Variants in CHN2 observed in about 807,000 individuals in gnomAD.
CHN2 encodes the protein beta-chimaerin.
In CHN2, 35 loss-of-function variants were observed where a neutral mutation model predicts 56.3. The observed-to-expected ratio is 0.62, with a 90% CI of 0.47 to 0.82. CHN2 has a LOEUF of 0.82. Among genes scored for constraint, CHN2 ranks in the 40% least tolerant of loss-of-function variants. The probability of loss-of-function intolerance (pLI) is 0.00; values close to 1 mark genes in which losing one functional copy is unlikely to be tolerated. For missense variants in CHN2, 491 were observed against 580.5 expected (o/e 0.85, Z 1.58); for synonymous variants, 210 against 212.8 (o/e 0.99, Z 0.12).
intron 2 of CHN2, among the ~76,000 whole-genome samples, chr7:29,184,928 C>T (rs245919): frequency 0.56 from 84,708 of 152,024 alleles, 24,357 homozygotes; most frequent in East Asian, 0.79. Flanking sequence ...AATCTTTGGG[C>T]ATAAAGAGTC....
chr7:29,371,777 C>CTCCCT (rs1227430580), intron 3 of CHN2, among the ~76,000 whole-genome samples: 1 of 152,194 alleles, frequency 6.6e-6, no homozygotes. Context: ...ACCTGTACTT[C>CTCCCT]TCCCTTCCCT....
chr7:29,326,007 C>T (rs1305236013), intron 1 of CHN2, among the ~76,000 whole-genome samples: 2 of 152,168 alleles, frequency 1.3e-5, no homozygotes, highest in African/African-American at 2.4e-5. Context: ...AAGGTCATTC[C>T]CAGCATGTGA....
rs1028876842 is a variant in CHN2, at chr7:29,194,776, G to A, written c.-166G>A. The A allele has an allele frequency of 2.0e-6, 1 of 497,368 alleles. No homozygotes were observed. Among genetic ancestry groups the A allele is most frequent in the Non-Finnish European group, 3.3e-6 (1 of 306,428 alleles). 30.8% of individuals were successfully genotyped at this position (497,368 alleles called of 1,614,324 possible). A position where few individuals can be genotyped will look rare whatever the true frequency, so the allele number is the denominator to read the frequency against. ...AGCGGCGGCGGCAGCGCGTCATCTG[G>A]TGGAGCAGGAAGTGCAGGCAGAGTC... is the stretch of plus-strand genomic sequence containing the variant. On this transcript the variant is annotated 5_prime_UTR_variant, in exon 1 of 13. It adds an upstream start codon to the 5' untranslated region. Transcript: ENST00000222792.
chr7:29,502,299 GT>G, intron 9 of CHN2, among the ~76,000 whole-genome samples: 1 of 152,284 alleles, frequency 6.6e-6, no homozygotes, highest in East Asian at 1.9e-4. Flanking sequence ...ACTGCAGCTT[GT>G]TGCTCTGTCC....
chr7:29,468,148 C>T (rs1371157610), intron 6 of CHN2, among the ~76,000 whole-genome samples: 1 of 111,610 alleles, frequency 9.0e-6, no homozygotes, highest in African/African-American at 3.2e-5. Context: ...CCGCCCCCCC[C>T]CCCCCCCGCC....
At chr7:29,341,401 G>A (rs1188001229) in intron 1 of CHN2, among the ~76,000 whole-genome samples, 1 of 152,174 alleles carries the variant, frequency 6.6e-6, no homozygotes, top group Non-Finnish European at 1.5e-5. Context: ...GTTATGGATG[G>A]TGCCAGTTGC....
At chr7:29,429,200 T>C (rs879740067) in intron 6 of CHN2, among the ~76,000 whole-genome samples, 28 of 152,212 alleles carry the variant, frequency 1.8e-4, no homozygotes, top group African/African-American at 5.1e-4. Flanking sequence ...TTTCATATAC[T>C]CAGACCACTT....
chr7:29,432,310 C>A (rs1311846995), intron 6 of CHN2, among the ~76,000 whole-genome samples: 1 of 152,192 alleles, frequency 6.6e-6, no homozygotes, highest in African/African-American at 2.4e-5. Flanking sequence ...ACAGTGATGT[C>A]CCAATAGGCT....
intron 3 of CHN2, among the ~76,000 whole-genome samples, chr7:29,374,801 T>TTTCC (rs57274609): frequency 0.16 from 20,347 of 128,130 alleles, 1,924 homozygotes; most frequent in African/African-American, 0.2. Flanking sequence ...TATTTCTTTA[T>TTTCC]TTCCTTCCTT....
rs367917595 is a variant in CHN2 at position 29,280,383 on chromosome 7, C to CATAAATAA, written c.50-74216_50-74209dup. Among the ~76,000 whole-genome samples the CATAAATAA allele has an allele frequency of 3.4e-3, 505 of 150,408 alleles. 1 individual carries two copies. The highest frequency in any genetic ancestry group is 0.011 in the African/African-American group (447 of 40,964). On this transcript the variant is annotated intron_variant, in intron 1 of 12. Coordinates refer to ENST00000222792, the MANE Select transcript of CHN2 (RefSeq NM_004067.4). ...TGGGTGACAGAGCGAGGCTCCGTCT[C>CATAAATAA]ATAAATAAATAAATAAATAAATAAA...
intron 3 of CHN2, among the ~76,000 whole-genome samples, chr7:29,379,275 C>T (rs543109371): frequency 2.6e-5 from 4 of 152,288 alleles, no homozygotes; most frequent in African/African-American, 4.8e-5. Flanking sequence ...GAGATGGAAG[C>T]CTGTTAGCAA....
At chr7:29,448,803 A>G (rs1473558793) in intron 6 of CHN2, among the ~76,000 whole-genome samples, 1 of 146,388 alleles carries the variant, frequency 6.8e-6, no homozygotes, top group East Asian at 2.1e-4. Context: ...CCCAGAGCAC[A>G]CTATATCTCC....
chr7:29,396,229 G>A (rs1341320650), intron 4 of CHN2, among the ~76,000 whole-genome samples: 1 of 152,052 alleles, frequency 6.6e-6, no homozygotes, highest in Non-Finnish European at 1.5e-5. Context: ...GATCGCCTGA[G>A]TTCAGGAGTT....
intron 6 of CHN2, among the ~76,000 whole-genome samples, chr7:29,407,664 C>T (rs577179168): frequency 4.7e-4 from 71 of 152,286 alleles, no homozygotes; most frequent in African/African-American, 1.7e-3. Context: ...GCTGACCAGC[C>T]GACTTGCTGC....
At chr7:29,195,019 C>T (rs1451509211) in intron 1 of CHN2, 29 bp downstream of exon 1, 1 of 1,580,210 alleles carries the variant, frequency 6.3e-7, no homozygotes, top group Middle Eastern at 1.7e-4. Context: ...GGCGCTGCTG[C>T]CGCGCCGGGT....
intron 2 of CHN2, among the ~76,000 whole-genome samples, chr7:29,147,480 C>T (rs1584412086): frequency 1.3e-5 from 2 of 152,318 alleles, no homozygotes. Context: ...CTAACTAAAG[C>T]ACTAGTTTTA....
intron 7 of CHN2, among the ~76,000 whole-genome samples, chr7:29,487,392 AAAT>A (rs980753974): frequency 1.4e-4 from 21 of 152,326 alleles, no homozygotes; most frequent in African/African-American, 4.8e-4. Flanking sequence ...TTTATTAAAA[AAAT>A]GTTGTTTCTG....
chr7:29,507,212 A>C lies in CHN2; in HGVS notation c.992-16A>C, dbSNP rs1255580991. ...TAAGGTCCTAATTAGGACTTGGATC[A>C]CTGATTGTTTTTCAGATGGTGAAAA... On this transcript the variant is annotated splice_polypyrimidine_tract_variant and intron_variant, in intron 10 of 12. Transcript: ENST00000222792. The C allele has an allele frequency of 6.3e-7, 1 of 1,596,296 alleles. No individual in the cohort carries two copies. Among genetic ancestry groups the C allele is most frequent in the Non-Finnish European group, 8.5e-7 (1 of 1,174,494 alleles).
intron 6 of CHN2, among the ~76,000 whole-genome samples, chr7:29,421,863 T>G (rs1390144255): frequency 6.6e-6 from 1 of 152,156 alleles, no homozygotes; most frequent in Non-Finnish European, 1.5e-5. Context: ...ATTGTGATTT[T>G]CTCAGAGGGG....
Sources: gnomAD v4.1 joint callset for allele counts (sites outside exome capture counted in the v4.1 genomes callset) on GRCh38, gnomAD v4.1.1 for gene constraint, MANE v1.5 for transcripts, NCBI Gene and HGNC (gene_info 2026-07-23, HGNC 2026-07-21) for gene names.